Variants in SASS6 observed in about 807,000 individuals in gnomAD.
SASS6 encodes the protein SAS-6 centriolar assembly protein, also known as spindle assembly abnormal protein 6 homolog.
A neutral mutation model predicts 94.9 loss-of-function variants in SASS6; 59 were observed. That is an observed-to-expected ratio of 0.62 (90% CI 0.50 to 0.77). SASS6 has a LOEUF of 0.77. Ranked by LOEUF, SASS6 falls within the 30% of genes least tolerant of loss-of-function variation. The pLI, the probability that SASS6 is intolerant of heterozygous loss-of-function variation, is 0.00. For missense variants in SASS6, 698 were observed against 734.1 expected (o/e 0.95, Z 0.57); for synonymous variants, 264 against 270.0 (o/e 0.98, Z 0.22).
rs1362218806 is a variant in SASS6, at chr1:100,085,131, A to G, written c.*197T>C. The G allele has an allele frequency of 9.9e-6, 5 of 504,494 alleles. No homozygotes were observed. In the Admixed American group the frequency reaches 1.7e-4, roughly 17 times the overall value. The allele number at this position is 504,494 out of a possible 1,614,324, so 31.3% of individuals were successfully genotyped here. A position where few individuals can be genotyped will look rare whatever the true frequency, so the allele number is the denominator to read the frequency against. On this transcript the variant is annotated 3_prime_UTR_variant, in exon 17 of 17. Coordinates refer to ENST00000287482, the MANE Select transcript of SASS6 (RefSeq NM_194292.3). ...ACAAACCAAAAAATGTCATTTACTCACAATCTTTACCAATCCCCAAGTACA... is the reference window on the plus strand; with the variant it reads ...ACAAACCAAAAAATGTCATTTACTCGCAATCTTTACCAATCCCCAAGTACA...
At chr1:100,123,149 C>A in intron 3 of SASS6, 61 bp downstream of exon 3, 1 of 704,298 alleles carries the variant, frequency 1.4e-6, no homozygotes, top group East Asian at 2.7e-5. Flanking sequence ...GAGAACAGTA[C>A]CAATAAAACT....
chr1:100,121,792 G>A (rs1654219999), intron 4 of SASS6, among the ~76,000 whole-genome samples: 1 of 152,106 alleles, frequency 6.6e-6, no homozygotes, highest in Non-Finnish European at 1.5e-5. Flanking sequence ...AAAATTCACT[G>A]AGTGCCACAA....
chr1:100,103,907 C>T (rs1228875722), intron 13 of SASS6, among the ~76,000 whole-genome samples: 2 of 152,128 alleles, frequency 1.3e-5, no homozygotes, highest in African/African-American at 2.4e-5. Flanking sequence ...TATAGATATA[C>T]GAGCTAGATT....
intron 14 of SASS6, among the ~76,000 whole-genome samples, chr1:100,091,936 A>T (rs979750224): frequency 4.1e-4 from 57 of 139,118 alleles, no homozygotes; most frequent in African/African-American, 1.5e-3. Flanking sequence ...TGATCCTGGG[A>T]GGTCAAGGCT....
intron 6 of SASS6, among the ~76,000 whole-genome samples, chr1:100,120,002 C>T (rs1654050566): frequency 6.6e-6 from 1 of 152,108 alleles, no homozygotes; most frequent in African/African-American, 2.4e-5. Flanking sequence ...TGATGCTAAG[C>T]CTATCAGAGG....
At chr1:100,125,792 A>C (rs1366586257) in intron 2 of SASS6, 90 bp downstream of exon 2, 1 of 755,030 alleles carries the variant, frequency 1.3e-6, no homozygotes, top group Middle Eastern at 2.9e-4. Flanking sequence ...AGCAAAATAA[A>C]TGCAATAAAA....
chr1:100,113,178 CTA>C (rs749119071), intron 7 of SASS6, among the ~76,000 whole-genome samples: 2 of 152,112 alleles, frequency 1.3e-5, no homozygotes, highest in African/African-American at 2.4e-5. Flanking sequence ...TTATTGAGTA[CTA>C]TGTTTACTAT....
At chr1:100,103,406 G>T (rs1652651287) in intron 13 of SASS6, among the ~76,000 whole-genome samples, 1 of 152,144 alleles carries the variant, frequency 6.6e-6, no homozygotes, top group African/African-American at 2.4e-5. Flanking sequence ...GGGAATGGGG[G>T]AGTCTGGAGA....
Position 100,104,715 on chromosome 1 carries a change from G to A in SASS6, c.1545+1052C>T, listed in dbSNP as rs563609307. 5.3e-5 allele frequency among the ~76,000 whole-genome samples: 8 copies of A among 151,052 alleles called. No homozygotes were observed. In the South Asian group the frequency reaches 1.5e-3, roughly 28 times the overall value. ...GACCTCAGGTGATCCACCCACCTCA[G>A]CCTCCCACCCAAAGTGCTGGGATTA... On this transcript the variant is annotated intron_variant, in intron 13 of 16. Transcript: ENST00000287482.
At chr1:100,085,989 G>C (rs1033282192) in intron 15 of SASS6, among the ~76,000 whole-genome samples, 1 of 152,116 alleles carries the variant, frequency 6.6e-6, no homozygotes, top group African/African-American at 2.4e-5. Context: ...TTTAAAATAA[G>C]ATTTCTTTTT....
intron 7 of SASS6, among the ~76,000 whole-genome samples, chr1:100,114,191 T>C (rs1653615098): frequency 6.6e-6 from 1 of 152,170 alleles, no homozygotes; most frequent in South Asian, 2.1e-4. Context: ...AGGCTAATTG[T>C]ATCAGGCCCT....
intron 14 of SASS6, among the ~76,000 whole-genome samples, chr1:100,100,180 C>T (rs1280877232): frequency 2.0e-5 from 3 of 152,244 alleles, no homozygotes; most frequent in African/African-American, 4.8e-5. Context: ...GCATGAGAAT[C>T]GCTTGAACCT....
intron 5 of SASS6, among the ~76,000 whole-genome samples, chr1:100,121,177 T>C (rs868526788): frequency 1.3e-5 from 2 of 152,200 alleles, no homozygotes; most frequent in African/African-American, 2.4e-5. Flanking sequence ...GTAAAAACCC[T>C]GAGACCTAAG....
At chr1:100,110,698 T>C (rs1653258403) in intron 7 of SASS6, among the ~76,000 whole-genome samples, 1 of 151,970 alleles carries the variant, frequency 6.6e-6, no homozygotes, top group Non-Finnish European at 1.5e-5. Flanking sequence ...CAAAAGCAAA[T>C]TTACCACCAT....
chr1:100,109,542 T>C (rs927134033), intron 8 of SASS6, among the ~76,000 whole-genome samples: 3 of 152,008 alleles, frequency 2.0e-5, no homozygotes, highest in African/African-American at 7.2e-5. Context: ...ATGGCACATG[T>C]TTACCTATGC....
chr1:100,109,174 G>A (rs953836652), intron 8 of SASS6, among the ~76,000 whole-genome samples: 1 of 152,018 alleles, frequency 6.6e-6, no homozygotes, highest in Non-Finnish European at 1.5e-5. Flanking sequence ...AGGTTCAAAT[G>A]CTTTACAACC....
In SASS6 at chr1:100,084,194, A is replaced by G. The variant is rs966249383; in HGVS notation, c.*1134T>C. 6.6e-6 allele frequency: 1 copy of G among 152,016 alleles called. No homozygotes were observed. Among genetic ancestry groups the G allele is most frequent in the Non-Finnish European group, 1.5e-5 (1 of 67,924 alleles). 9.4% of individuals were successfully genotyped at this position (152,016 alleles called of 1,614,324 possible). A position where few individuals can be genotyped will look rare whatever the true frequency, so the allele number is the denominator to read the frequency against. ...TTCTTTCTTACCATGGGACTCAGTA[A>G]TGTTATTACATCAATATCTTGAAAT... is the stretch of plus-strand genomic sequence containing the variant. On this transcript the variant is annotated 3_prime_UTR_variant, in exon 17 of 17. Transcript: ENST00000287482.
At chr1:100,132,559 C>G (rs1655150186) in intron 1 of SASS6, among the ~76,000 whole-genome samples, 191 bp downstream of exon 1, 1 of 152,194 alleles carries the variant, frequency 6.6e-6, no homozygotes, top group African/African-American at 2.4e-5. Flanking sequence ...CACCCTTCCT[C>G]CAGTCCCCTC....
intron 1 of SASS6, 66 bp downstream of exon 1, chr1:100,132,684 C>G (rs1260323448): frequency 3.0e-6 from 4 of 1,316,378 alleles, no homozygotes; most frequent in Non-Finnish European, 4.4e-6. Context: ...GGGCCAGAAC[C>G]GCCATCTTTC....
Sources: gnomAD v4.1 joint callset for allele counts (sites outside exome capture counted in the v4.1 genomes callset) on GRCh38, gnomAD v4.1.1 for gene constraint, MANE v1.5 for transcripts, NCBI Gene and HGNC (gene_info 2026-07-23, HGNC 2026-07-21) for gene names.